Variants in ARHGEF38 observed in about 807,000 individuals in gnomAD.
ARHGEF38 encodes Rho guanine nucleotide exchange factor (GEF) 38.
In ARHGEF38, 79 loss-of-function variants were observed where a neutral mutation model predicts 79.9. The observed-to-expected ratio is 0.99, with a 90% CI of 0.82 to 1.19. ARHGEF38 has a LOEUF of 1.19. ARHGEF38 is among the 50% of genes most tolerant of loss of function. ARHGEF38 has a pLI of 0.00. For synonymous variants in ARHGEF38, 366 were observed against 328.3 expected, an observed-to-expected ratio of 1.11 and a Z score of -1.24; for missense variants, 962 against 907.2, an observed-to-expected ratio of 1.06 and a Z score of -0.78.
intron 2 of ARHGEF38, among the ~76,000 whole-genome samples, chr4:105,595,596 C>G (rs1452553757): frequency 6.6e-6 from 1 of 152,094 alleles, no homozygotes; most frequent in African/African-American, 2.4e-5. Flanking sequence ...ATACCATACA[C>G]AGTTGTCCCT....
intron 1 of ARHGEF38, among the ~76,000 whole-genome samples, chr4:105,586,761 T>C (rs1323788663): frequency 6.6e-6 from 1 of 152,188 alleles, no homozygotes; most frequent in Non-Finnish European, 1.5e-5. Context: ...GCATCATTTT[T>C]ATTTTCAAGG....
At position 105,652,136 on chromosome 4, in the gene ARHGEF38, G is replaced by C. The variant is rs1045410576; in HGVS notation, c.1009-1929G>C. On this transcript the variant is annotated intron_variant, in intron 7 of 13. Coordinates refer to ENST00000420470, the MANE Select transcript of ARHGEF38 (RefSeq NM_001242729.2). Reference sequence around the variant, plus strand: ...GTGTCCAACTTGAAATAGAGGTGTGGATTCTATCAATAAAGGGACAGTAGG... The same window carrying C: ...GTGTCCAACTTGAAATAGAGGTGTGCATTCTATCAATAAAGGGACAGTAGG... 1.8e-4 allele frequency among the ~76,000 whole-genome samples: 28 copies of C among 152,124 alleles called. 1 individual carries two copies. The highest frequency in any genetic ancestry group is 6.5e-5 in the Admixed American group (1 of 15,276).
downstream of ARHGEF38, among the ~76,000 whole-genome samples, chr4:105,681,423 G>C (rs141550010): frequency 8.5e-5 from 13 of 152,136 alleles, no homozygotes; most frequent in African/African-American, 3.1e-4. Flanking sequence ...TTTGTAGAGT[G>C]AAGATTTAGT....
At chr4:105,558,946 A>G (rs1300658661) in intron 1 of ARHGEF38, among the ~76,000 whole-genome samples, 1 of 151,928 alleles carries the variant, frequency 6.6e-6, no homozygotes. Flanking sequence ...AGCAGCAAGA[A>G]TGAATAGAAA....
chr4:105,648,433 A>G (rs1023354444), intron 6 of ARHGEF38, 116 bp from the exon 7 acceptor site: 2 of 1,015,492 alleles, frequency 2.0e-6, no homozygotes. Flanking sequence ...GCAGAGGCTC[A>G]AAAATCATAT....
intron 10 of ARHGEF38, among the ~76,000 whole-genome samples, chr4:105,665,088 C>T (rs1730699687): frequency 6.6e-6 from 1 of 151,998 alleles, no homozygotes; most frequent in Non-Finnish European, 1.5e-5. Context: ...GCCTCAACTT[C>T]CCAGGTCCAA....
chr4:105,627,855 G>T (rs1056177934), intron 3 of ARHGEF38, among the ~76,000 whole-genome samples: 6 of 152,140 alleles, frequency 3.9e-5, no homozygotes, highest in African/African-American at 1.4e-4. Flanking sequence ...TGCTTCATCT[G>T]CACTATTATG....
At chr4:105,658,974 G>C in intron 9 of ARHGEF38, 80 bp from the exon 10 acceptor site, 1 of 1,255,608 alleles carries the variant, frequency 8.0e-7, no homozygotes, top group Non-Finnish European at 1.1e-6. Flanking sequence ...TGGGGGAAAA[G>C]GTAAACCTAT....
At chr4:105,649,039 T>C (rs897463580) in intron 7 of ARHGEF38, among the ~76,000 whole-genome samples, 2 of 152,200 alleles carry the variant, frequency 1.3e-5, no homozygotes, top group African/African-American at 2.4e-5. Flanking sequence ...AATGCCCTTC[T>C]TCCATCCTGT....
chr4:105,567,482 A>G (rs1424565285), intron 1 of ARHGEF38, among the ~76,000 whole-genome samples: 2 of 152,232 alleles, frequency 1.3e-5, no homozygotes, highest in Non-Finnish European at 1.5e-5. Flanking sequence ...ATATAATTAC[A>G]AAGAAGTACA....
intron 1 of ARHGEF38, among the ~76,000 whole-genome samples, chr4:105,556,215 A>G (rs1725244215): frequency 6.6e-6 from 1 of 152,210 alleles, no homozygotes; most frequent in Non-Finnish European, 1.5e-5. Context: ...GTAAATTGAC[A>G]TTTATTGAAT....
chr4:105,638,755 G>T (rs976102587), intron 5 of ARHGEF38, among the ~76,000 whole-genome samples: 1 of 151,862 alleles, frequency 6.6e-6, no homozygotes, highest in African/African-American at 2.4e-5. Context: ...AATATGTTGT[G>T]AATATCTTTC....
Position 105,630,955 on chromosome 4 carries a change from A to G in ARHGEF38, c.566A>G (p.Tyr189Cys), listed in dbSNP as rs201736725. 6.2e-7 allele frequency: 1 copy of G among 1,613,632 alleles called. No individual in the cohort carries two copies. Among genetic ancestry groups the G allele is most frequent in the Middle Eastern group, 1.7e-4 (1 of 6,060 alleles). Residue 189 changes from tyrosine (Y) to cysteine (C), a missense_variant, in exon 4 of 14, where the codon TAT (tyrosine) becomes TGT (cysteine). Tyr to Cys is a radical substitution (Grantham distance 194). Transcript: ENST00000420470. ...PLEDIYKIYC[Y>C]HHDEAHSILE... The stretch of plus-strand genomic sequence containing the variant: ...GAAGATATTTATAAAATCTACTGCT[A>G]TCACCATGATGAAGCACATAGTATA...
At chr4:105,613,279 A>G (rs1205724366) in intron 2 of ARHGEF38, 105 bp from the exon 3 acceptor site, 1 of 1,342,744 alleles carries the variant, frequency 7.4e-7, no homozygotes, top group Non-Finnish European at 9.9e-7. Context: ...AGAAATGGTT[A>G]ATGGAGACAG....
Position 105,645,348 on chromosome 4 carries a change from A to G in ARHGEF38, c.835A>G (p.Asn279Asp). ...DDAFAAVKDINVNINELKRRK... is the reference protein window; with the variant it reads ...DDAFAAVKDIDVNINELKRRK... ...TGCCTTTGCTGCTGTGAAGGACATT[A>G]ATGTTAACATCAATGAACTTAAAAG... Residue 279 changes from asparagine (N) to aspartate (D), a missense_variant, in exon 6 of 14, where the codon AAT becomes GAT. Physicochemically the swap from Asn to Asp is conservative, Grantham distance 23. Coordinates refer to ENST00000420470, the MANE Select transcript of ARHGEF38 (RefSeq NM_001242729.2). 1 of 1,529,988 alleles carries G rather than the reference A, an allele frequency of 6.5e-7. No individual in the cohort carries two copies. The highest frequency in any genetic ancestry group is 2.0e-5 in the Admixed American group (1 of 49,150). 94.8% of individuals were successfully genotyped at this position (1,529,988 alleles called of 1,614,324 possible). A position where few individuals can be genotyped will look rare whatever the true frequency, so the allele number is the denominator to read the frequency against.
intron 5 of ARHGEF38, among the ~76,000 whole-genome samples, chr4:105,638,930 T>A (rs1199075450): frequency 3.9e-5 from 6 of 152,060 alleles, no homozygotes; most frequent in African/African-American, 1.4e-4. Flanking sequence ...AATAATTTGA[T>A]TTTTTGGATC....
intron 1 of ARHGEF38, among the ~76,000 whole-genome samples, chr4:105,578,049 T>C (rs1726589991): frequency 6.6e-6 from 1 of 152,210 alleles, no homozygotes; most frequent in Non-Finnish European, 1.5e-5. Flanking sequence ...GACTTTTTAA[T>C]GTGGTCGTTT....
chr4:105,614,805 T>C (rs901924966), intron 3 of ARHGEF38, among the ~76,000 whole-genome samples: 5 of 152,196 alleles, frequency 3.3e-5, no homozygotes, highest in Non-Finnish European at 5.9e-5. Flanking sequence ...ATTCACAAGA[T>C]TTGGTACTGT....
intron 1 of ARHGEF38, among the ~76,000 whole-genome samples, chr4:105,559,001 G>A (rs1009852496): frequency 4.0e-5 from 6 of 148,314 alleles, no homozygotes; most frequent in Admixed American, 1.3e-4. Flanking sequence ...ATGGGAGAGA[G>A]AAAAGCACCC....
Sources: gnomAD v4.1 joint callset for allele counts (sites outside exome capture counted in the v4.1 genomes callset) on GRCh38, gnomAD v4.1.1 for gene constraint, MANE v1.5 for transcripts, NCBI Gene and HGNC (gene_info 2026-07-23, HGNC 2026-07-21) for gene names.